The following ICA1 variants were observed in gnomAD, a reference collection of about 807,000 sequenced individuals.
ICA1 encodes the protein 69 kDa islet cell autoantigen.
In ICA1, 40 loss-of-function variants were observed where a neutral mutation model predicts 71.0. The ratio of observed to expected loss-of-function variants is 0.56; its 90% CI spans 0.44 to 0.73. The LOEUF is 0.73. ICA1 is among the 30% of genes least tolerant of loss of function. ICA1 has a pLI of 0.00. For missense variants in ICA1, 578 were observed against 576.5 expected, an observed-to-expected ratio of 1.00 and a Z score of -0.03; for synonymous variants, 207 against 209.5, an observed-to-expected ratio of 0.99 and a Z score of 0.10.
At chr7:8,196,814 A>T (rs975617407) in intron 6 of ICA1, among the ~76,000 whole-genome samples, 53 of 152,150 alleles carry the variant, frequency 3.5e-4, no homozygotes, top group Non-Finnish European at 1.8e-4. Context: ...CCAGGTGGAG[A>T]TAAATGAATC....
rs1158368046 is a variant in ICA1, at chr7:8,234,137, G to A, written c.18-1382C>T. Among the ~76,000 whole-genome samples the A allele has an allele frequency of 1.3e-5, 2 of 152,162 alleles. No homozygotes were observed. The highest frequency in any genetic ancestry group is 4.8e-5 in the African/African-American group (2 of 41,428). ...AGACTGAAGTGGGTGGATTGTTCAA[G>A]TCCAGGAGTTTGAGGCTGCAGGGAG... On this transcript the variant is annotated intron_variant, in intron 2 of 13. Coordinates refer to ENST00000402384, the MANE Select transcript of ICA1 (RefSeq NM_001136020.3). This position sits in a 1 kb window ranked among gnomAD's most constrained non-coding sequence, Gnocchi z 4.5.
intron 6 of ICA1, among the ~76,000 whole-genome samples, chr7:8,168,845 C>T (rs530812222): frequency 2.6e-5 from 4 of 152,056 alleles, no homozygotes; most frequent in Admixed American, 1.3e-4. Context: ...ATTATCATAT[C>T]ATCATCTTCA....
At chr7:8,260,440 C>T (rs1028839870) in intron 1 of ICA1, among the ~76,000 whole-genome samples, 1 of 152,140 alleles carries the variant, frequency 6.6e-6, no homozygotes, top group Non-Finnish European at 1.5e-5. Context: ...ATCTTTAGCA[C>T]TCAATGATCC....
At position 8,241,804 on chromosome 7, in the gene ICA1, CAA is replaced by C. The variant is rs1449394166; in HGVS notation, c.-79-5801_-79-5800del. Reference sequence around the variant, plus strand: ...AAACATACTTTAAACCAACAAAGATCAAAAGAGACAAAGAAGGCCATTACATA... The same window carrying C: ...AAACATACTTTAAACCAACAAAGATCAAGAGACAAAGAAGGCCATTACATA... On this transcript the variant is annotated intron_variant, in intron 1 of 13. Coordinates refer to ENST00000402384, the MANE Select transcript of ICA1 (RefSeq NM_001136020.3). 2.6e-4 allele frequency among the ~76,000 whole-genome samples: 40 copies of C among 152,206 alleles called. No individual in the cohort carries two copies. In the East Asian group the frequency reaches 7.5e-3, roughly 29 times the overall value.
intron 6 of ICA1, among the ~76,000 whole-genome samples, chr7:8,187,860 G>A (rs1784373378): frequency 6.6e-6 from 1 of 152,194 alleles, no homozygotes; most frequent in Non-Finnish European, 1.5e-5. Flanking sequence ...GGAATTGTCA[G>A]CCCCATTGTT....
intron 6 of ICA1, among the ~76,000 whole-genome samples, chr7:8,171,497 G>C (rs180757746): frequency 1.5e-4 from 23 of 151,908 alleles, no homozygotes; most frequent in Admixed American, 5.9e-4. Context: ...TTAATTCTAA[G>C]TATTAATGAT....
At chr7:8,256,875 T>G (rs1810413456) in intron 1 of ICA1, among the ~76,000 whole-genome samples, 1 of 152,268 alleles carries the variant, frequency 6.6e-6, no homozygotes, top group African/African-American at 2.4e-5. Flanking sequence ...ACTTTACATG[T>G]GTGAAGCACT....
intron 3 of ICA1, 51 bp downstream of exon 3, chr7:8,232,539 T>C: frequency 6.5e-7 from 1 of 1,527,170 alleles, no homozygotes; most frequent in African/African-American, 1.4e-5. Flanking sequence ...CTCTAGGACC[T>C]TGATCCTAGC....
intron 6 of ICA1, among the ~76,000 whole-genome samples, chr7:8,160,439 GC>G (rs1299199352): frequency 6.6e-6 from 1 of 152,126 alleles, no homozygotes; most frequent in Non-Finnish European, 1.5e-5. Flanking sequence ...GGCAGGGCTG[GC>G]ATTCTAAATT....
At chr7:8,245,553 TATA>T (rs1313726345) in intron 1 of ICA1, among the ~76,000 whole-genome samples, 2 of 152,006 alleles carry the variant, frequency 1.3e-5, no homozygotes, top group African/African-American at 4.8e-5. Context: ...GAACTTAAAG[TATA>T]ATAATAATAA....
intron 1 of ICA1, among the ~76,000 whole-genome samples, chr7:8,242,286 C>T (rs1804224417): frequency 6.6e-6 from 1 of 152,090 alleles, no homozygotes; most frequent in Non-Finnish European, 1.5e-5. Context: ...CAACTACATG[C>T]AAACTGAACT....
intron 3 of ICA1, among the ~76,000 whole-genome samples, chr7:8,231,214 T>C (rs551993861): frequency 2.6e-5 from 4 of 152,000 alleles, no homozygotes; most frequent in African/African-American, 9.6e-5. Context: ...CTCTGATGGG[T>C]GTGAACTTGG....
intron 3 of ICA1, 29 bp downstream of exon 3, chr7:8,232,561 G>T: frequency 6.3e-7 from 1 of 1,582,420 alleles, no homozygotes; most frequent in African/African-American, 1.3e-5. Flanking sequence ...AGGTGGCTGT[G>T]TTGGGGCTGA....
chr7:8,260,694 C>T (rs1811984996), intron 1 of ICA1, among the ~76,000 whole-genome samples: 1 of 152,136 alleles, frequency 6.6e-6, no homozygotes, highest in African/African-American at 2.4e-5. Context: ...GATTTTGTCC[C>T]TGTGGTATTC....
chr7:8,242,413 G>T (rs1011410953), intron 1 of ICA1, among the ~76,000 whole-genome samples: 37 of 152,264 alleles, frequency 2.4e-4, no homozygotes, highest in African/African-American at 8.2e-4. Context: ...CACATTTAAA[G>T]CAGTGTATAG....
At chr7:8,205,468 A>G (rs1327384850) in intron 6 of ICA1, among the ~76,000 whole-genome samples, 1 of 152,190 alleles carries the variant, frequency 6.6e-6, no homozygotes, top group Non-Finnish European at 1.5e-5. Context: ...TGTTAAAAGG[A>G]GCCCAATCCA....
intron 10 of ICA1, among the ~76,000 whole-genome samples, 191 bp from the exon 11 acceptor site, chr7:8,139,238 T>G (rs1794408331): frequency 6.6e-6 from 1 of 152,198 alleles, no homozygotes; most frequent in South Asian, 2.1e-4. Context: ...TTAACAGCCC[T>G]GAATCTTTGC....
chr7:8,175,793 T>C (rs1344324289), intron 6 of ICA1, among the ~76,000 whole-genome samples: 1 of 152,114 alleles, frequency 6.6e-6, no homozygotes, highest in African/African-American at 2.4e-5. Flanking sequence ...TAGGAATATA[T>C]CAAATGTTGT....
chr7:8,115,794 G>A (rs1246402504), intron 13 of ICA1, among the ~76,000 whole-genome samples: 1 of 152,216 alleles, frequency 6.6e-6, no homozygotes, highest in Non-Finnish European at 1.5e-5. Flanking sequence ...CTCCCTTGGG[G>A]GACCTGTCCC....
Sources: gnomAD v4.1 joint callset for allele counts (sites outside exome capture counted in the v4.1 genomes callset) on GRCh38, gnomAD v4.1.1 for gene constraint, Gnocchi (gnomAD v3.1) non-coding constraint, MANE v1.5 for transcripts, NCBI Gene and HGNC (gene_info 2026-07-23, HGNC 2026-07-21) for gene names.